Variants in WDR37 observed in about 807,000 individuals in gnomAD.
WDR37 encodes WD repeat domain 37.
In WDR37, 19 loss-of-function variants were observed where a neutral mutation model predicts 62.9. The ratio of observed to expected loss-of-function variants is 0.30; its 90% CI spans 0.21 to 0.44. WDR37 has a LOEUF of 0.44. Among genes scored for constraint, WDR37 ranks in the 20% least tolerant of loss-of-function variants. The pLI, the probability that WDR37 is intolerant of heterozygous loss-of-function variation, is 1.00. For missense variants in WDR37, 474 were observed against 657.6 expected (o/e 0.72, Z 3.05); for synonymous variants, 250 against 260.9 (o/e 0.96, Z 0.40).
chr10:1,057,497 T>C (rs1288424241), intron 1 of WDR37, among the ~76,000 whole-genome samples: 3 of 152,018 alleles, frequency 2.0e-5, no homozygotes, highest in African/African-American at 7.3e-5. Context: ...GGGTGGTGAG[T>C]GTGGAGTGAC....
intron 11 of WDR37, among the ~76,000 whole-genome samples, chr10:1,111,406 A>G: frequency 6.6e-6 from 1 of 151,852 alleles, no homozygotes; most frequent in African/African-American, 2.4e-5. Context: ...TTTTTTTCTT[A>G]CTGTAATCCC....
intron 13 of WDR37, among the ~76,000 whole-genome samples, chr10:1,127,815 G>A (rs920449617): frequency 2.0e-5 from 3 of 152,084 alleles, no homozygotes; most frequent in South Asian, 2.1e-4. Context: ...GGCTCATGAC[G>A]GCATGGGGCG....
intron 3 of WDR37, 139 bp from the exon 4 acceptor site, chr10:1,079,872 G>A (rs1274496618): frequency 4.6e-6 from 3 of 655,376 alleles, no homozygotes; most frequent in African/African-American, 3.7e-5. Flanking sequence ...TTGTGATCTT[G>A]CTTATTAGAA....
intron 2 of WDR37, among the ~76,000 whole-genome samples, 179 bp downstream of exon 2, chr10:1,072,472 GC>G (rs1833759684): frequency 6.6e-6 from 1 of 152,160 alleles, no homozygotes; most frequent in Non-Finnish European, 1.5e-5. Context: ...GTGCCACCAT[GC>G]CCGGCTGATT....
intron 13 of WDR37, 130 bp from the exon 14 acceptor site, chr10:1,129,083 G>GATCCTGCACACCATGTTGTTTTCCTAT: frequency 7.5e-7 from 1 of 1,330,320 alleles, no homozygotes; most frequent in East Asian, 2.5e-5. Context: ...CCATGGGACT[G>GATCCTGCACACCATGTTGTTTTCCTAT]ATCCTGCACA....
intron 9 of WDR37, among the ~76,000 whole-genome samples, chr10:1,101,240 C>G (rs1834789059): frequency 6.6e-6 from 1 of 152,158 alleles, no homozygotes; most frequent in Non-Finnish European, 1.5e-5. Flanking sequence ...AACAACAGAT[C>G]CGTGTTCTAA....
At position 1,121,952 on chromosome 10, in the gene WDR37, A is replaced by G. The variant is rs943046067; in HGVS notation, c.1104-2266A>G. Among the ~76,000 whole-genome samples the G allele has an allele frequency of 6.6e-6, 1 of 151,978 alleles. No homozygotes were observed. The highest frequency in any genetic ancestry group is 6.6e-5 in the Admixed American group (1 of 15,262). ...TTCTCAGTAGCTTTGCTGTACTTTGATGTTATATTTTTAAAAACCTTGTCT... is the reference window on the plus strand; with the variant it reads ...TTCTCAGTAGCTTTGCTGTACTTTGGTGTTATATTTTTAAAAACCTTGTCT... On this transcript the variant is annotated intron_variant, in intron 11 of 13. Coordinates refer to ENST00000263150, the MANE Select transcript of WDR37 (RefSeq NM_014023.4). This position sits in a 1 kb window ranked among gnomAD's most constrained non-coding sequence, Gnocchi z 4.5.
In WDR37 at chr10:1,057,287, A is replaced by G. The variant is rs533046321; in HGVS notation, c.-41+319A>G. Among the ~76,000 whole-genome samples the G allele has an allele frequency of 8.4e-5, 4 of 47,682 alleles. No individual in the cohort carries two copies. In the South Asian group the frequency reaches 2.9e-3, roughly 34 times the overall value. 31.3% of individuals were successfully genotyped at this position (47,682 alleles called of 152,430 possible). A position where few individuals can be genotyped will look rare whatever the true frequency, so the allele number is the denominator to read the frequency against. ...GGGATGGGGGCCCGGGGCGGTGCAG[A>G]AGATGTCGGAGTCCAGGAAGAGTCG... is the stretch of plus-strand genomic sequence containing the variant. On this transcript the variant is annotated intron_variant, in intron 1 of 13. Transcript: ENST00000263150.
At chr10:1,100,283 G>A (rs58551457) in intron 9 of WDR37, among the ~76,000 whole-genome samples, 19,813 of 117,324 alleles carry the variant, frequency 0.17, 1,495 homozygotes, top group East Asian at 0.27. Flanking sequence ...AGCTGTCCTG[G>A]GAGCACTGCA....
chr10:1,102,807 C>A (rs1380035093), intron 9 of WDR37, among the ~76,000 whole-genome samples: 4 of 152,146 alleles, frequency 2.6e-5, no homozygotes, highest in African/African-American at 7.2e-5. Flanking sequence ...TATGACATAC[C>A]TCTCCATACT....
intron 9 of WDR37, among the ~76,000 whole-genome samples, chr10:1,098,730 TG>T (rs1315999867): frequency 1.3e-5 from 2 of 152,242 alleles, no homozygotes; most frequent in Non-Finnish European, 2.9e-5. Context: ...GTTGACACGT[TG>T]GTCATGGACT....
intron 9 of WDR37, among the ~76,000 whole-genome samples, chr10:1,096,879 G>A (rs1834600358): frequency 6.6e-6 from 1 of 152,176 alleles, no homozygotes; most frequent in Non-Finnish European, 1.5e-5. Flanking sequence ...GGAAAGGGGA[G>A]AGCTGGAGAG....
In WDR37 at chr10:1,105,520, G is replaced by A. The variant is rs1242556383; in HGVS notation, c.1103+253G>A. Among the ~76,000 whole-genome samples the A allele has an allele frequency of 6.6e-6, 1 of 152,176 alleles. No homozygotes were observed. ...GAAGTTTAATGCAGACAGAATGGGG[G>A]AGTGGGTGGAGAGGGTTAGAGAAGA... On this transcript the variant is annotated intron_variant, in intron 11 of 13. Transcript: ENST00000263150. The surrounding 1 kb of genome is among the most constrained non-coding windows in gnomAD (Gnocchi z 5.3).
chr10:1,113,405 C>T (rs1413697201), intron 11 of WDR37, among the ~76,000 whole-genome samples: 1 of 152,182 alleles, frequency 6.6e-6, no homozygotes, highest in East Asian at 1.9e-4. Context: ...AACACAACCC[C>T]CATTCTGCAG....
At chr10:1,128,048 T>G (rs1296683960) in intron 13 of WDR37, among the ~76,000 whole-genome samples, 1 of 152,242 alleles carries the variant, frequency 6.6e-6, no homozygotes, top group Non-Finnish European at 1.5e-5. Context: ...TTTTTGTGCC[T>G]TTTGTAACCC....
intron 1 of WDR37, among the ~76,000 whole-genome samples, chr10:1,066,444 T>TTGACATGG (rs1208593520): frequency 6.6e-6 from 1 of 152,166 alleles, no homozygotes; most frequent in African/African-American, 2.4e-5. Flanking sequence ...AGAAAAAACC[T>TTGACATGG]TGACATGGAG....
chr10:1,108,351 A>C (rs2131668603), intron 11 of WDR37, among the ~76,000 whole-genome samples: 1 of 152,262 alleles, frequency 6.6e-6, no homozygotes, highest in African/African-American at 2.4e-5. Context: ...TTTTTGGTGA[A>C]GAATCCAAGC....
chr10:1,090,858 C>T (rs1390592385), intron 7 of WDR37, among the ~76,000 whole-genome samples: 1 of 152,170 alleles, frequency 6.6e-6, no homozygotes, highest in Non-Finnish European at 1.5e-5. Context: ...CCCCTCGTGG[C>T]CACTGTGGAT....
intron 1 of WDR37, among the ~76,000 whole-genome samples, chr10:1,064,367 G>T (rs577484079): frequency 6.6e-6 from 1 of 152,204 alleles, no homozygotes; most frequent in Non-Finnish European, 1.5e-5. Context: ...GAAGGACGGG[G>T]TGGGGGGAAA....
Sources: allele counts gnomAD v4.1 joint callset (sites outside exome capture counted in the v4.1 genomes callset), GRCh38; gene constraint gnomAD v4.1.1; non-coding constraint Gnocchi (gnomAD v3.1); transcripts MANE v1.5; gene names NCBI Gene and HGNC (gene_info 2026-07-23, HGNC 2026-07-21).